HOXA3: variants seen among roughly 807,000 people sequenced by gnomAD.
The protein encoded by HOXA3 is homeobox A3.
In HOXA3, 8 loss-of-function variants were observed where a neutral mutation model predicts 30.3. The ratio of observed to expected loss-of-function variants is 0.26; its 90% CI spans 0.15 to 0.48. The LOEUF (loss-of-function observed/expected upper bound fraction) is 0.48. HOXA3 is among the 20% of genes least tolerant of loss of function. The probability of loss-of-function intolerance (pLI) is 0.99; values close to 1 mark genes in which losing one functional copy is unlikely to be tolerated. For missense variants in HOXA3, 653 were observed against 614.4 expected, an observed-to-expected ratio of 1.06 and a Z score of -0.66; for synonymous variants, 323 against 273.1, an observed-to-expected ratio of 1.18 and a Z score of -1.80.
chr7:27,112,714 G>C (rs1428938124), intron 4 of HOXA3, among the ~76,000 whole-genome samples: 1 of 152,074 alleles, frequency 6.6e-6, no homozygotes, highest in Non-Finnish European at 1.5e-5. Flanking sequence ...TTAGATACCA[G>C]GCTTGTGTAA....
intron 1 of HOXA3, chr7:27,151,588 C>A (rs1436868406): frequency 1.8e-5 from 8 of 456,642 alleles, no homozygotes; most frequent in Non-Finnish European, 3.1e-5. Context: ...TCCACCCACG[C>A]ACCTATTCCC....
chr7:27,125,956 G>C (rs1785264217), intron 3 of HOXA3, among the ~76,000 whole-genome samples: 1 of 152,154 alleles, frequency 6.6e-6, no homozygotes, highest in East Asian at 1.9e-4. Context: ...AGGGGAATGG[G>C]GCCCGCTGGG....
chr7:27,128,121 G>C (rs980273130), intron 2 of HOXA3: 3 of 152,238 alleles, frequency 2.0e-5, no homozygotes, highest in African/African-American at 7.2e-5. Context: ...CTTTCCAAGT[G>C]TGCTCAGAGT....
At chr7:27,129,756 C>G (rs1583395664) in intron 2 of HOXA3, among the ~76,000 whole-genome samples, 1 of 152,136 alleles carries the variant, frequency 6.6e-6, no homozygotes. Context: ...CTATTGACAA[C>G]GGGAAACACC....
chr7:27,111,533 G>T (rs1784379091), intron 4 of HOXA3, among the ~76,000 whole-genome samples: 1 of 148,682 alleles, frequency 6.7e-6, no homozygotes, highest in Non-Finnish European at 1.5e-5. Flanking sequence ...GGGACCAACA[G>T]TAACACCCCA....
Position 27,110,178 on chromosome 7 carries a change from T to C in HOXA3, c.463A>G (p.Ile155Val). 6.2e-7 allele frequency: 1 copy of C among 1,614,068 alleles called. No individual in the cohort carries two copies. Residue 155 changes from isoleucine to valine, a missense_variant, in exon 5 of 6, where the codon ATC becomes GTC. Coordinates refer to ENST00000612286, the MANE Select transcript of HOXA3 (RefSeq NM_153631.3). ...CGAGACTCTTTCATCCAGGGGAAGA[T>C]TTGTTTGGCCACTGTGGGTGAGTTG... The part of the protein sequence containing the change: ...LLNSPTVAKQ[I>V]FPWMKESRQN...
intron 1 of HOXA3, chr7:27,151,419 G>T (rs1782968530): frequency 5.8e-6 from 2 of 344,638 alleles, no homozygotes; most frequent in Non-Finnish European, 1.2e-5. Context: ...CGCCAAGGTG[G>T]ATTGGGGGGT....
intron 1 of HOXA3, among the ~76,000 whole-genome samples, chr7:27,148,860 C>A (rs1782876536): frequency 6.6e-6 from 1 of 152,252 alleles, no homozygotes; most frequent in African/African-American, 2.4e-5. Flanking sequence ...GAGGCCCTGG[C>A]CAAGCTGGGC....
At position 27,108,254 on chromosome 7, in the gene HOXA3, C is replaced by A; in HGVS notation, c.993G>T (p.Ala331=). 3 of 1,516,334 alleles carry A rather than the reference C, an allele frequency of 2.0e-6. No homozygotes were observed. The highest frequency in any genetic ancestry group is 2.6e-5 in the South Asian group (2 of 76,344). The allele number at this position is 1,516,334 out of a possible 1,614,324, so 93.9% of individuals were successfully genotyped here. A position where few individuals can be genotyped will look rare whatever the true frequency, so the allele number is the denominator to read the frequency against. Residue 331 remains alanine (A), a synonymous_variant, in exon 6 of 6, where the codon GCG becomes GCT. Coordinates refer to ENST00000612286, the MANE Select transcript of HOXA3 (RefSeq NM_153631.3). This position sits in a 1 kb window ranked among gnomAD's most constrained non-coding sequence, Gnocchi z 5.0. ...PPPPPQKRYT[A]AGAGAGGTPD... is the part of the protein sequence containing the mutation. Reference sequence around the variant, plus strand: ...GGGTGCCCCCTGCGCCCGCCCCTGCCGCCGTGTAGCGCTTCTGTGGGGGTG... The same window carrying A: ...GGGTGCCCCCTGCGCCCGCCCCTGCAGCCGTGTAGCGCTTCTGTGGGGGTG...
chr7:27,141,113 C>CAAAAAAAAAAAAAAAAAAA (rs147485948), intron 1 of HOXA3: 11 of 82,918 alleles, frequency 1.3e-4, no homozygotes, highest in African/African-American at 5.4e-4. Context: ...AAAACAAATA[C>CAAAAAAAAAAAAAAAAAAA]AAAAAAAAAA....
intron 2 of HOXA3, among the ~76,000 whole-genome samples, chr7:27,139,208 C>T (rs528061240): frequency 6.6e-6 from 1 of 152,352 alleles, no homozygotes; most frequent in African/African-American, 2.4e-5. Context: ...AAAGTTAAAT[C>T]CGGCCATAAA....
intron 2 of HOXA3, among the ~76,000 whole-genome samples, chr7:27,135,649 C>A (rs1001371979): frequency 6.6e-6 from 1 of 152,166 alleles, no homozygotes; most frequent in Non-Finnish European, 1.5e-5. Flanking sequence ...ATCATGTGTA[C>A]TAAAAAGACA....
chr7:27,130,568 G>A, intron 2 of HOXA3: 1 of 1,444,148 alleles, frequency 6.9e-7, no homozygotes, highest in Non-Finnish European at 9.1e-7. Flanking sequence ...TGGGGCTGCT[G>A]CAGCGGCAGG....
intron 4 of HOXA3, chr7:27,122,275 A>G (rs184902902): frequency 1.9e-3 from 292 of 152,316 alleles, no homozygotes; most frequent in African/African-American, 6.8e-3. Context: ...GCTTGCAGGA[A>G]GAAACAAACA....
chr7:27,111,045 G>A (rs762306629), intron 4 of HOXA3, among the ~76,000 whole-genome samples: 100 of 152,152 alleles, frequency 6.6e-4, no homozygotes, highest in Non-Finnish European at 5.9e-4. Flanking sequence ...AAAGGAGAAA[G>A]GCTTGATAGG....
rs1255870498 is a variant in HOXA3, at chr7:27,110,310, G to A, written c.331C>T (p.Pro111Ser). The change falls in exon 5 of 6, where the codon CCC becomes TCC. Residue 111 changes from proline to serine, a missense_variant. Physicochemically the swap from Pro to Ser is moderately conservative, Grantham distance 74. Around this residue, in one of 3 missense-constraint regions of HOXA3, gnomAD observed 320 missense variants for 321.9 expected, o/e 0.99. Transcript: ENST00000612286. ...APQPPQPAPQ[P>S]PAPTPAAPPP... ...GGCGCGGCAGGGGTAGGTGCAGGGG[G>A]CTGAGGTGCGGGCTGAGGCGGCTGT... The A allele has an allele frequency of 6.4e-7, 1 of 1,554,676 alleles. No individual in the cohort carries two copies. Among genetic ancestry groups the A allele is most frequent in the Non-Finnish European group, 8.7e-7 (1 of 1,151,132 alleles).
chr7:27,147,313 C>T, intron 1 of HOXA3: 1 of 1,613,408 alleles, frequency 6.2e-7, no homozygotes, highest in Non-Finnish European at 8.5e-7. Context: ...CTTACCCGCG[C>T]AGGAGTTCAT....
intron 2 of HOXA3, chr7:27,129,042 G>C (rs1328004541): frequency 3.1e-6 from 2 of 655,094 alleles, no homozygotes; most frequent in Admixed American, 4.8e-5. Context: ...GTTCTCTCTT[G>C]GGTGGCAACC....
At chr7:27,128,916 C>A in intron 2 of HOXA3, 1 of 415,862 alleles carries the variant, frequency 2.4e-6, no homozygotes, top group Non-Finnish European at 4.4e-6. Flanking sequence ...GTCCAGCTAG[C>A]TGACTGTAGC....
Sources: gnomAD v4.1 joint callset for allele counts (sites outside exome capture counted in the v4.1 genomes callset) on GRCh38, gnomAD v4.1.1 for gene constraint, gnomAD v4.1.1 regional missense constraint, Gnocchi (gnomAD v3.1) non-coding constraint, MANE v1.5 for transcripts, NCBI Gene and HGNC (gene_info 2026-07-23, HGNC 2026-07-21) for gene names.